MTUS1: variants seen among roughly 807,000 people sequenced by gnomAD.
MTUS1 encodes the protein microtubule-associated tumor suppressor 1.
MTUS1 carries 109 observed loss-of-function variants against 120.8 expected under a neutral mutation model. The ratio of observed to expected loss-of-function variants is 0.90; its 90% confidence interval spans 0.77 to 1.06. The LOEUF is 1.06. MTUS1 is among the 50% of genes least tolerant of loss of function. The pLI, the probability that MTUS1 is intolerant of heterozygous loss-of-function variation, is 0.00. For missense variants in MTUS1, 2,210 were observed against 1,486.3 expected (o/e 1.49, Z -8.01); for synonymous variants, 737 against 550.5 (o/e 1.34, Z -4.74).
chr8:17,714,976 G>A (rs1296510966), intron 5 of MTUS1, among the ~76,000 whole-genome samples: 1 of 140,972 alleles, frequency 7.1e-6, no homozygotes, highest in African/African-American at 2.7e-5. Context: ...CGCGATCTCG[G>A]CTCACTGCAA....
At chr8:17,658,084 C>A (rs956595701) in intron 8 of MTUS1, among the ~76,000 whole-genome samples, 1 of 145,914 alleles carries the variant, frequency 6.9e-6, no homozygotes, top group Admixed American at 6.9e-5. Context: ...ATTGCCCAGG[C>A]TGAAGTGCAA....
intron 3 of MTUS1, among the ~76,000 whole-genome samples, chr8:17,733,579 T>C (rs1258288920): frequency 4.6e-5 from 7 of 152,100 alleles, no homozygotes; most frequent in Non-Finnish European, 8.8e-5. Context: ...TGATAAACTA[T>C]CCAATTTGCC....
At chr8:17,708,452 G>A (rs1463241567) in intron 6 of MTUS1, among the ~76,000 whole-genome samples, 1 of 152,186 alleles carries the variant, frequency 6.6e-6, no homozygotes, top group South Asian at 2.1e-4. Context: ...ACAAAGCCAA[G>A]TGTTGACAAG....
At chr8:17,655,374 A>G (rs1807981175) in intron 9 of MTUS1, among the ~76,000 whole-genome samples, 1 of 152,004 alleles carries the variant, frequency 6.6e-6, no homozygotes, top group Admixed American at 6.6e-5. Flanking sequence ...GGGTAGAAAG[A>G]AAGGGTTGTT....
chr8:17,736,009 C>T (rs973451081), intron 3 of MTUS1, among the ~76,000 whole-genome samples: 1 of 152,208 alleles, frequency 6.6e-6, no homozygotes, highest in Non-Finnish European at 1.5e-5. Context: ...CCCTCACCCT[C>T]CAACCAGTAA....
intron 7 of MTUS1, among the ~76,000 whole-genome samples, chr8:17,678,156 C>A (rs73200146): frequency 0.015 from 2,327 of 152,276 alleles, 28 homozygotes; most frequent in Non-Finnish European, 0.025. Flanking sequence ...GCCTGACTCT[C>A]CCTGGTAGCT....
chr8:17,773,519 T>G (rs1289419539), intron 1 of MTUS1, among the ~76,000 whole-genome samples: 1 of 152,162 alleles, frequency 6.6e-6, no homozygotes, highest in Non-Finnish European at 1.5e-5. Flanking sequence ...TTCATTTAGC[T>G]CAGGGTTCTG....
chr8:17,704,987 C>T (rs979785798), intron 6 of MTUS1, among the ~76,000 whole-genome samples: 53 of 152,008 alleles, frequency 3.5e-4, no homozygotes, highest in Non-Finnish European at 6.0e-4. Context: ...GATTTTTATT[C>T]TTTTTATTTT....
At chr8:17,700,604 AC>A (rs1283405381) in intron 6 of MTUS1, among the ~76,000 whole-genome samples, 1 of 152,144 alleles carries the variant, frequency 6.6e-6, no homozygotes, top group Non-Finnish European at 1.5e-5. Flanking sequence ...ATTGGAGCAA[AC>A]ATGCCAGAAT....
At chr8:17,763,947 T>C (rs1457473101) in intron 1 of MTUS1, among the ~76,000 whole-genome samples, 4 of 152,150 alleles carry the variant, frequency 2.6e-5, no homozygotes, top group Non-Finnish European at 5.9e-5. Context: ...GTGTTAAAGA[T>C]GACGGAACCA....
At chr8:17,709,185 C>G (rs1820774242) in intron 6 of MTUS1, among the ~76,000 whole-genome samples, 1 of 151,862 alleles carries the variant, frequency 6.6e-6, no homozygotes, top group South Asian at 2.1e-4. Flanking sequence ...CCACACTTCC[C>G]TGCTTATTAC....
At chr8:17,657,334 C>T (rs967645777) in intron 8 of MTUS1, among the ~76,000 whole-genome samples, 49 of 151,516 alleles carry the variant, frequency 3.2e-4, no homozygotes, top group East Asian at 7.9e-4. Context: ...TTTGGGAGGC[C>T]GAGGCGGGCG....
At chr8:17,716,925 A>C (rs1051878652) in intron 4 of MTUS1, among the ~76,000 whole-genome samples, 5 of 152,252 alleles carry the variant, frequency 3.3e-5, no homozygotes, top group East Asian at 3.9e-4. Context: ...AACGCTTATA[A>C]ATTTCTTTAT....
Position 17,782,366 on chromosome 8 carries a change from G to A in MTUS1, c.-155+18695C>T, listed in dbSNP as rs567640415. ...CCATATACTGTATCATTTCTAATTG[G>A]AAAAGGTCTACCAGAGATACTATAC... is the stretch of plus-strand genomic sequence containing the variant. On this transcript the variant is annotated intron_variant, in intron 1 of 14. Coordinates refer to ENST00000693296, the MANE Select transcript of MTUS1 (RefSeq NM_001363059.2). Among the ~76,000 whole-genome samples, 43 of 152,212 alleles carry A rather than the reference G, an allele frequency of 2.8e-4. No individual in the cohort carries two copies. In the South Asian group the frequency reaches 8.7e-3, roughly 31 times the overall value.
At chr8:17,706,103 T>C (rs1820105222) in intron 6 of MTUS1, 1 of 152,102 alleles carries the variant, frequency 6.6e-6, no homozygotes, top group Non-Finnish European at 1.5e-5. Flanking sequence ...CTTTAGAGAT[T>C]TAAAATAATT....
At chr8:17,650,738 A>G (rs1037959863) in intron 12 of MTUS1, among the ~76,000 whole-genome samples, 2 of 152,182 alleles carry the variant, frequency 1.3e-5, no homozygotes, top group South Asian at 4.1e-4. Context: ...AATAAATGCT[A>G]CATCAGGGGA....
intron 1 of MTUS1, among the ~76,000 whole-genome samples, chr8:17,788,978 C>A (rs191795623): frequency 4.8e-4 from 73 of 151,832 alleles, no homozygotes; most frequent in African/African-American, 1.7e-3. Flanking sequence ...CTCTCAAAGA[C>A]TGTACAGTTA....
At chr8:17,764,178 CTTTTG>C (rs2049275204) in intron 1 of MTUS1, among the ~76,000 whole-genome samples, 1 of 152,136 alleles carries the variant, frequency 6.6e-6, no homozygotes, top group Admixed American at 6.6e-5. Context: ...TTTTAGTCAT[CTTTTG>C]TTTTGTCAAA....
intron 1 of MTUS1, 97 bp downstream of exon 1, chr8:17,800,964 C>T (rs71526159): frequency 0.015 from 2,276 of 152,558 alleles, 26 homozygotes; most frequent in Middle Eastern, 0.027. Flanking sequence ...CCCTCCCCTC[C>T]CCGAGGACCG....
Sources: gnomAD v4.1 joint callset for allele counts (sites outside exome capture counted in the v4.1 genomes callset) on GRCh38, gnomAD v4.1.1 for gene constraint, MANE v1.5 for transcripts, NCBI Gene and HGNC (gene_info 2026-07-23, HGNC 2026-07-21) for gene names.